Variants in BZW2 observed in about 807,000 individuals in gnomAD.
The protein encoded by BZW2 is basic leucine zipper and W2 domains 2.
Under a neutral mutation model 53.2 loss-of-function variants are expected in BZW2, and 23 were observed. The ratio of observed to expected loss-of-function variants is 0.43; its 90% CI spans 0.31 to 0.61. The LOEUF (loss-of-function observed/expected upper bound fraction) is 0.61, where lower values mean the gene tolerates loss of function less well. Ranked by LOEUF, BZW2 falls within the 20% of genes least tolerant of loss-of-function variation. The pLI is 0.09. For missense variants in BZW2, 409 were observed against 503.1 expected, an observed-to-expected ratio of 0.81 and a Z score of 1.79; for synonymous variants, 227 against 186.4, an observed-to-expected ratio of 1.22 and a Z score of -1.77.
At chr7:16,704,431 G>C (rs978329063) in intron 10 of BZW2, 116 bp from the exon 11 acceptor site, 23 of 1,122,470 alleles carry the variant, frequency 2.0e-5, no homozygotes, top group Non-Finnish European at 2.8e-5. Flanking sequence ...CTTCTGATAA[G>C]TAACAGAATG....
At chr7:16,694,711 A>G in intron 7 of BZW2, 123 bp from the exon 8 acceptor site, 1 of 816,312 alleles carries the variant, frequency 1.2e-6, no homozygotes, top group Non-Finnish European at 1.8e-6. Flanking sequence ...GTTGTTTTGT[A>G]AAACAGTCTT....
Position 16,706,226 on chromosome 7 carries a change from G to A in BZW2, c.*138G>A, listed in dbSNP as rs1783853693. The A allele has an allele frequency of 4.3e-6, 4 of 922,086 alleles. No homozygotes were observed. Among genetic ancestry groups the A allele is most frequent in the Non-Finnish European group, 6.6e-6 (4 of 608,396 alleles). The allele number at this position is 922,086 out of a possible 1,614,324, so 57.1% of individuals were successfully genotyped here. ...AGGATAGGCTTCCCTTGTGCAGAGG[G>A]AGAAATGGTTTTGTTTTTGTTTTGT... On this transcript the variant is annotated 3_prime_UTR_variant, in exon 12 of 12. Coordinates refer to ENST00000258761, the MANE Select transcript of BZW2 (RefSeq NM_014038.3).
intron 4 of BZW2, 93 bp from the exon 5 acceptor site, chr7:16,682,687 T>G: frequency 3.1e-6 from 2 of 645,878 alleles, no homozygotes; most frequent in South Asian, 5.2e-5. Flanking sequence ...ACTTTTATTA[T>G]TATAGATCTA....
intron 10 of BZW2, among the ~76,000 whole-genome samples, chr7:16,701,068 A>G (rs1308394260): frequency 2.6e-5 from 4 of 152,298 alleles, no homozygotes; most frequent in South Asian, 4.1e-4. Flanking sequence ...AGATTTATAA[A>G]TCTTTTACAT....
chr7:16,700,293 A>G (rs182625989), intron 10 of BZW2, among the ~76,000 whole-genome samples: 8 of 152,196 alleles, frequency 5.3e-5, no homozygotes, highest in African/African-American at 1.9e-4. Flanking sequence ...ATTGTTCCAT[A>G]CCACCGTTAA....
At chr7:16,695,202 G>A (rs2128367693) in intron 8 of BZW2, among the ~76,000 whole-genome samples, 198 bp downstream of exon 8, 1 of 152,300 alleles carries the variant, frequency 6.6e-6, no homozygotes, top group African/African-American at 2.4e-5. Context: ...ACTCTAGGAT[G>A]GTCCAGAAAT....
intron 2 of BZW2, among the ~76,000 whole-genome samples, chr7:16,666,050 G>A (rs1562480362): frequency 6.6e-6 from 1 of 151,950 alleles, no homozygotes; most frequent in Non-Finnish European, 1.5e-5. Flanking sequence ...GTGAGTGACT[G>A]TTTTTTTATA....
At chr7:16,695,678 T>C (rs534349249) in intron 8 of BZW2, among the ~76,000 whole-genome samples, 2 of 152,312 alleles carry the variant, frequency 1.3e-5, no homozygotes, top group East Asian at 3.9e-4. Flanking sequence ...AAATCTTTCA[T>C]GCAACAATTT....
At chr7:16,675,827 C>G (rs1331337984) in intron 3 of BZW2, among the ~76,000 whole-genome samples, 1 of 152,238 alleles carries the variant, frequency 6.6e-6, no homozygotes, top group Non-Finnish European at 1.5e-5. Flanking sequence ...CGCCTGTAAT[C>G]CCAACACTTT....
At chr7:16,697,742 A>C (rs1783545187) in intron 9 of BZW2, among the ~76,000 whole-genome samples, 1 of 152,202 alleles carries the variant, frequency 6.6e-6, no homozygotes, top group Non-Finnish European at 1.5e-5. Context: ...CTGGCCTGCT[A>C]TGTCTAAGGG....
intron 1 of BZW2, among the ~76,000 whole-genome samples, chr7:16,652,995 G>A (rs1353580657): frequency 2.0e-5 from 3 of 151,938 alleles, no homozygotes; most frequent in South Asian, 2.1e-4. Context: ...TCCAGTTCAT[G>A]CTCTCATTAT....
At chr7:16,667,279 C>CAAAAA (rs748681228) in intron 2 of BZW2, among the ~76,000 whole-genome samples, 1 of 60,308 alleles carries the variant, frequency 1.7e-5, no homozygotes, top group Non-Finnish European at 3.7e-5. Context: ...AGCTCCATCT[C>CAAAAA]AAAAAAAAAA....
At chr7:16,666,674 G>T (rs1782437975) in intron 2 of BZW2, among the ~76,000 whole-genome samples, 1 of 151,944 alleles carries the variant, frequency 6.6e-6, no homozygotes, top group South Asian at 2.1e-4. Flanking sequence ...TTAATTAGTG[G>T]CTTATTTATT....
intron 4 of BZW2, among the ~76,000 whole-genome samples, chr7:16,681,922 G>A (rs555113665): frequency 1.3e-5 from 2 of 151,988 alleles, no homozygotes; most frequent in African/African-American, 4.8e-5. Context: ...AGGAGAATTC[G>A]TTTTTCTTGT....
rs554144349 is a variant in BZW2 at position 16,680,827 on chromosome 7, C to T, written c.236-474C>T. Among the ~76,000 whole-genome samples the T allele has an allele frequency of 1.3e-3, 191 of 152,078 alleles. 1 individual carries two copies. The highest frequency in any genetic ancestry group is 4.4e-3 in the African/African-American group (182 of 41,492). The stretch of plus-strand genomic sequence containing the variant: ...AAAAAATAAAAATAAAAAAATAGGC[C>T]AGGTGCAGTGGCTCACACCTGTAAT... On this transcript the variant is annotated intron_variant, in intron 3 of 11. Transcript: ENST00000258761.
At chr7:16,690,659 T>G (rs1783273018) in intron 7 of BZW2, among the ~76,000 whole-genome samples, 1 of 152,242 alleles carries the variant, frequency 6.6e-6, no homozygotes, top group Admixed American at 6.5e-5. Flanking sequence ...AAATAAAAGT[T>G]TAAACAAGAT....
At chr7:16,697,698 A>G (rs1420264048) in intron 9 of BZW2, among the ~76,000 whole-genome samples, 1 of 152,236 alleles carries the variant, frequency 6.6e-6, no homozygotes. Flanking sequence ...CTAAGAGACC[A>G]AATATGAGAA....
At chr7:16,672,586 G>T (rs143549826) in intron 2 of BZW2, among the ~76,000 whole-genome samples, 111 of 152,098 alleles carry the variant, frequency 7.3e-4, no homozygotes, top group African/African-American at 2.4e-3. Context: ...TTCATCCTTT[G>T]CTCCTCTCTC....
chr7:16,676,953 A>G (rs1320739713), intron 3 of BZW2, among the ~76,000 whole-genome samples: 1 of 152,016 alleles, frequency 6.6e-6, no homozygotes, highest in Admixed American at 6.6e-5. Context: ...TTCCATCGTT[A>G]ACCACCTCCC....
Sources: gnomAD v4.1 joint callset for allele counts (sites outside exome capture counted in the v4.1 genomes callset) on GRCh38, gnomAD v4.1.1 for gene constraint, MANE v1.5 for transcripts, NCBI Gene and HGNC (gene_info 2026-07-23, HGNC 2026-07-21) for gene names.